AGBL4: variants seen among roughly 807,000 people sequenced by gnomAD.
AGBL4 encodes the protein cytosolic carboxypeptidase 6.
AGBL4 carries 58 observed loss-of-function variants against 66.4 expected under a neutral mutation model. The ratio of observed to expected loss-of-function variants is 0.87; its 90% CI spans 0.71 to 1.09. AGBL4 has a LOEUF of 1.09. AGBL4 is among the 50% of genes least tolerant of loss of function. The pLI, the probability that AGBL4 is intolerant of heterozygous loss-of-function variation, is 0.00. For synonymous variants in AGBL4, 234 were observed against 222.9 expected (o/e 1.05, Z -0.44); for missense variants, 579 against 631.0 (o/e 0.92, Z 0.88).
At chr1:49,903,312 G>T (rs1267095680) in intron 1 of AGBL4, among the ~76,000 whole-genome samples, 1 of 152,044 alleles carries the variant, frequency 6.6e-6, no homozygotes, top group East Asian at 1.9e-4. Flanking sequence ...AAGAACACAT[G>T]GACATAAAGA....
At chr1:48,641,451 C>T (rs536945941) in intron 8 of AGBL4, among the ~76,000 whole-genome samples, 41 of 152,118 alleles carry the variant, frequency 2.7e-4, no homozygotes, top group Admixed American at 1.0e-3. Context: ...ATCATCATGA[C>T]GAGGAGATGT....
rs562712478 is a variant in AGBL4, at chr1:49,035,478, A to G, written c.594+10106T>C. Among the ~76,000 whole-genome samples the G allele has an allele frequency of 3.3e-5, 5 of 152,250 alleles. No individual in the cohort carries two copies. In the South Asian group the frequency reaches 1.0e-3, roughly 32 times the overall value. On this transcript the variant is annotated intron_variant, in intron 5 of 13. Coordinates refer to ENST00000371839, the MANE Select transcript of AGBL4 (RefSeq NM_032785.4). ...ATTTGGCTTTCTGACTCAGGGTTTT[A>G]TATGTTGACATACTTCTGGGGTCTT...
intron 4 of AGBL4, among the ~76,000 whole-genome samples, chr1:49,188,270 C>G (rs140631156): frequency 1.2e-3 from 179 of 152,216 alleles, no homozygotes; most frequent in African/African-American, 4.3e-3. Flanking sequence ...AGGGACTCTC[C>G]TGGGCGTTCC....
intron 3 of AGBL4, among the ~76,000 whole-genome samples, chr1:49,327,920 C>A (rs908586959): frequency 6.6e-6 from 1 of 152,062 alleles, no homozygotes; most frequent in African/African-American, 2.4e-5. Context: ...AATATCCTGG[C>A]AAATAAGCTA....
intron 6 of AGBL4, among the ~76,000 whole-genome samples, chr1:48,690,155 T>C (rs1646606628): frequency 6.6e-6 from 1 of 152,234 alleles, no homozygotes; most frequent in Non-Finnish European, 1.5e-5. Context: ...TGAGTGATTG[T>C]ATGCTAGTTG....
Position 49,704,498 on chromosome 1 carries a change from T to C in AGBL4, c.158-7061A>G, listed in dbSNP as rs990851821. 2.0e-5 allele frequency among the ~76,000 whole-genome samples: 3 copies of C among 152,250 alleles called. No individual in the cohort carries two copies. The East Asian group carries it at 5.8e-4, about 29-fold the overall frequency. On this transcript the variant is annotated intron_variant, in intron 2 of 13. Transcript: ENST00000371839. ...ATATAAAACCCAAAATTATAACATG[T>C]GTAGAAGAAAATATAAAAGAATGAT...
At chr1:48,957,118 C>T (rs958621339) in intron 5 of AGBL4, among the ~76,000 whole-genome samples, 1 of 152,034 alleles carries the variant, frequency 6.6e-6, no homozygotes, top group Non-Finnish European at 1.5e-5. Context: ...GTAAACACTG[C>T]CCTGAAAATT....
intron 2 of AGBL4, among the ~76,000 whole-genome samples, chr1:49,733,562 C>T (rs1649622804): frequency 1.3e-5 from 2 of 152,136 alleles, no homozygotes; most frequent in Admixed American, 1.3e-4. Context: ...CCAGTGAATC[C>T]AGTGTATGGT....
At chr1:48,761,180 C>T in intron 6 of AGBL4, 3 of 807,134 alleles carry the variant, frequency 3.7e-6, no homozygotes, top group Non-Finnish European at 5.7e-6. Flanking sequence ...GGCAAATACA[C>T]ACGAGTTGTC....
At chr1:48,820,030 T>A (rs2148769018) in intron 6 of AGBL4, among the ~76,000 whole-genome samples, 1 of 152,356 alleles carries the variant, frequency 6.6e-6, no homozygotes, top group South Asian at 2.1e-4. Context: ...ATGCTGATTG[T>A]CTAATTCAAC....
chr1:49,571,064 T>C (rs1644319585), intron 3 of AGBL4, among the ~76,000 whole-genome samples: 1 of 152,056 alleles, frequency 6.6e-6, no homozygotes, highest in African/African-American at 2.4e-5. Flanking sequence ...CTTTGTTTAT[T>C]TGGGCTCTTT....
chr1:49,028,984 A>C (rs953092195), intron 5 of AGBL4, among the ~76,000 whole-genome samples: 2 of 152,204 alleles, frequency 1.3e-5, no homozygotes, highest in Non-Finnish European at 2.9e-5. Context: ...CAATAGACAC[A>C]GAAAAATCAT....
chr1:48,547,068 G>A (rs568916097), intron 11 of AGBL4, among the ~76,000 whole-genome samples: 2 of 152,176 alleles, frequency 1.3e-5, no homozygotes, highest in African/African-American at 4.8e-5. Flanking sequence ...GTCCTCGGGT[G>A]AGAGACGGAA....
chr1:48,891,830 G>A (rs1651002943), intron 5 of AGBL4, among the ~76,000 whole-genome samples: 1 of 152,108 alleles, frequency 6.6e-6, no homozygotes, highest in Non-Finnish European at 1.5e-5. Context: ...CTTTAGCTAG[G>A]ATGGTCAGAC....
chr1:49,914,819 G>A (rs1651225138), intron 1 of AGBL4, among the ~76,000 whole-genome samples: 1 of 152,136 alleles, frequency 6.6e-6, no homozygotes. Flanking sequence ...TAAGAGCAAA[G>A]TGTCATATCT....
chr1:49,658,453 T>C (rs922220419), intron 3 of AGBL4, among the ~76,000 whole-genome samples: 1 of 152,238 alleles, frequency 6.6e-6, no homozygotes, highest in African/African-American at 2.4e-5. Context: ...AGTGTGGCGA[T>C]TCCTCAGGGA....
Position 49,024,316 on chromosome 1 carries a change from C to G in AGBL4, c.594+21268G>C, listed in dbSNP as rs1663474946. 2.0e-5 allele frequency among the ~76,000 whole-genome samples: 3 copies of G among 152,130 alleles called. No homozygotes were observed. The South Asian group carries it at 6.2e-4, about 31-fold the overall frequency. ...GAGAATCATTTAACTTTCTAGATGT[C>G]TTTCCAATCTTTACTCTTTACCACA... On this transcript the variant is annotated intron_variant, in intron 5 of 13. Coordinates refer to ENST00000371839, the MANE Select transcript of AGBL4 (RefSeq NM_032785.4).
chr1:49,396,104 C>T (rs1644969224), intron 3 of AGBL4, among the ~76,000 whole-genome samples: 1 of 151,598 alleles, frequency 6.6e-6, no homozygotes, highest in Non-Finnish European at 1.5e-5. Flanking sequence ...GATTATTGTT[C>T]TCCCATGCTA....
chr1:49,250,573 A>T (rs1436606582), intron 3 of AGBL4, among the ~76,000 whole-genome samples: 2 of 150,866 alleles, frequency 1.3e-5, no homozygotes. Context: ...CCTCCTGAGT[A>T]GCTGGGACTA....
Sources: gnomAD v4.1 joint callset for allele counts (sites outside exome capture counted in the v4.1 genomes callset) on GRCh38, gnomAD v4.1.1 for gene constraint, MANE v1.5 for transcripts, NCBI Gene and HGNC (gene_info 2026-07-23, HGNC 2026-07-21) for gene names.